The following ARHGAP29 variants were observed in gnomAD, a reference collection of about 807,000 sequenced individuals.
The protein encoded by ARHGAP29 is Rho GTPase activating protein 29, also known as rho GTPase-activating protein 29.
ARHGAP29 carries 43 observed loss-of-function variants against 122.6 expected under a neutral mutation model. That is an observed-to-expected ratio of 0.35 (90% confidence interval 0.27 to 0.45). The LOEUF (loss-of-function observed/expected upper bound fraction) is 0.45. ARHGAP29 is among the 20% of genes least tolerant of loss of function. The probability of loss-of-function intolerance (pLI) is 1.00; values close to 1 mark genes in which losing one functional copy is unlikely to be tolerated. For synonymous variants in ARHGAP29, 506 were observed against 497.1 expected, an observed-to-expected ratio of 1.02 and a Z score of -0.24; for missense variants, 1,303 against 1,477.2, an observed-to-expected ratio of 0.88 and a Z score of 1.93.
At chr1:94,309,601 A>G in the ARHGAP29 span, among the ~76,000 whole-genome samples, 1 of 152,190 alleles carries the variant, frequency 6.6e-6, no homozygotes, top group Non-Finnish European at 1.5e-5. Flanking sequence ...GGACAAGGAA[A>G]GGGGGTTTTG....
rs183770917 is a variant in ARHGAP29 at position 94,179,374 on chromosome 1, T to C, written c.2480+351A>G. Among the ~76,000 whole-genome samples, 9 of 152,084 alleles carry C rather than the reference T, an allele frequency of 5.9e-5. No individual in the cohort carries two copies. In the East Asian group the frequency reaches 1.7e-3, roughly 29 times the overall value. On this transcript the variant is annotated intron_variant, in intron 20 of 22. Coordinates refer to ENST00000260526, the MANE Select transcript of ARHGAP29 (RefSeq NM_004815.4). ...ACTTTGGGAGGCTGAGGTGGGCGGA[T>C]CATGAGGTCAGGAGTTCGAGACCAG...
At chr1:94,228,074 A>G (rs1265164364) in intron 2 of ARHGAP29, among the ~76,000 whole-genome samples, 1 of 151,746 alleles carries the variant, frequency 6.6e-6, no homozygotes, top group Non-Finnish European at 1.5e-5. Context: ...CAAGAATAGA[A>G]TATTTTCAGC....
chr1:94,196,326 A>AT (rs1439126194), intron 12 of ARHGAP29, among the ~76,000 whole-genome samples: 2 of 130,184 alleles, frequency 1.5e-5, no homozygotes, highest in Non-Finnish European at 3.1e-5. Context: ...CAGTGGCGCG[A>AT]TCTCGGCTCA....
rs146362265 is a variant in ARHGAP29 at position 94,231,454 on chromosome 1, C to T, written c.158G>A (p.Arg53Lys). 1.2e-6 allele frequency: 2 copies of T among 1,613,704 alleles called. No individual in the cohort carries two copies. Among genetic ancestry groups the T allele is most frequent in the Admixed American group, 1.7e-5 (1 of 60,020 alleles). ...DYIKELVNDI[R>K]KFSHMLLYLK... ...ATATAGTAACATGTGGGAGAACTTC[C>T]TGATATCATTCACCAACTCCTTGAT... is the stretch of plus-strand genomic sequence containing the variant. The change falls in exon 2 of 23, where the codon AGG becomes AAG. Residue 53 changes from arginine (R) to lysine (K), a missense_variant. Transcript: ENST00000260526.
chr1:94,202,156 C>A (rs1325896245), intron 11 of ARHGAP29: 1 of 438,754 alleles, frequency 2.3e-6, no homozygotes, highest in East Asian at 3.8e-5. Context: ...CGTAAAATTA[C>A]ATTTCATCAA....
chr1:94,301,160 CTCTCGATGTTTTCCTCT>C, the ARHGAP29 span, among the ~76,000 whole-genome samples: 1 of 152,286 alleles, frequency 6.6e-6, no homozygotes, highest in African/African-American at 2.4e-5. Context: ...CACAGAAAGA[CTCTCGATGTTTTCCTCT>C]TTTTCACATC....
intron 1 of ARHGAP29, among the ~76,000 whole-genome samples, chr1:94,265,429 A>G (rs1240200770): frequency 1.3e-5 from 2 of 152,170 alleles, no homozygotes; most frequent in African/African-American, 4.8e-5. Flanking sequence ...TCAGTTTTCT[A>G]CTGAGAATGT....
Position 94,201,818 on chromosome 1 carries a change from T to C in ARHGAP29, c.1183A>G (p.Asn395Asp), listed in dbSNP as rs1337891345. 2 of 1,613,134 alleles carry C rather than the reference T, an allele frequency of 1.2e-6. No homozygotes were observed. Among genetic ancestry groups the C allele is most frequent in the African/African-American group, 1.3e-5 (1 of 75,000 alleles). Reference protein sequence around the residue: ...ANELYKVCVTNVEERRNDLEN... With the variant: ...ANELYKVCVTDVEERRNDLEN... ...AGATCATTTCTTCTTTCTTCAACAT[T>C]TGTCACACAAACTTTGTAAAGTTCA... The change falls in exon 12 of 23, where the codon AAT becomes GAT. Residue 395 changes from asparagine (N) to aspartate (D), a missense_variant. Coordinates refer to ENST00000260526, the MANE Select transcript of ARHGAP29 (RefSeq NM_004815.4).
At chr1:94,231,857 G>A (rs1334137261) in intron 1 of ARHGAP29, among the ~76,000 whole-genome samples, 7 of 151,904 alleles carry the variant, frequency 4.6e-5, no homozygotes, top group South Asian at 4.2e-4. Context: ...CAGTAATTCC[G>A]ACAACTCTGA....
At chr1:94,204,127 G>A (rs1032108225) in intron 7 of ARHGAP29, 133 bp from the exon 8 acceptor site, 2 of 502,746 alleles carry the variant, frequency 4.0e-6, no homozygotes, top group African/African-American at 2.0e-5. Flanking sequence ...ATATAATACA[G>A]CAATACTTCT....
At chr1:94,250,946 G>T (rs1308664672) in intron 1 of ARHGAP29, among the ~76,000 whole-genome samples, 1 of 152,026 alleles carries the variant, frequency 6.6e-6, no homozygotes, top group Non-Finnish European at 1.5e-5. Context: ...AATAATTAAT[G>T]ATCAGTGCCA....
At chr1:94,228,712 T>C (rs1383947021) in intron 2 of ARHGAP29, among the ~76,000 whole-genome samples, 6 of 151,786 alleles carry the variant, frequency 4.0e-5, no homozygotes, top group African/African-American at 1.4e-4. Flanking sequence ...AAAAGCGCCA[T>C]ATACAATTAT....
chr1:94,217,689 A>C (rs963121118), intron 3 of ARHGAP29, among the ~76,000 whole-genome samples: 1 of 152,024 alleles, frequency 6.6e-6, no homozygotes, highest in African/African-American at 2.4e-5. Context: ...AATTTTAGAA[A>C]TTTAAAAATC....
intron 1 of ARHGAP29, among the ~76,000 whole-genome samples, chr1:94,267,186 T>C (rs1261739645): frequency 1.3e-5 from 2 of 152,222 alleles, no homozygotes; most frequent in African/African-American, 4.8e-5. Flanking sequence ...CTATGGACTG[T>C]TAAAGTAGAA....
rs955675062 is a variant in ARHGAP29, at chr1:94,186,666, C to T, written c.1682-69G>A. The T allele has an allele frequency of 1.0e-5, 12 of 1,185,548 alleles. No homozygotes were observed. The East Asian group carries it at 1.4e-4, about 14-fold the overall frequency. 73.4% of individuals were successfully genotyped at this position (1,185,548 alleles called of 1,614,324 possible). On this transcript the variant is annotated intron_variant, in intron 15 of 22. Transcript: ENST00000260526. ...GAATCTTTGAAATAGGAAATGACAA[C>T]ACTTTTGAAATAACACGTCATACTA...
chr1:94,284,066 A>C, the ARHGAP29 span, among the ~76,000 whole-genome samples: 16 of 136,788 alleles, frequency 1.2e-4, no homozygotes, highest in Admixed American at 8.2e-4. Context: ...TTCTGGCAAA[A>C]AGTTGAAAGG....
chr1:94,187,194 T>C (rs1649862841), intron 15 of ARHGAP29, among the ~76,000 whole-genome samples: 1 of 152,262 alleles, frequency 6.6e-6, no homozygotes, highest in Middle Eastern at 3.4e-3. Context: ...TATCAAAGCA[T>C]GTTTGGAAGC....
intron 1 of ARHGAP29, among the ~76,000 whole-genome samples, chr1:94,273,527 C>G (rs1376533345): frequency 1.3e-5 from 2 of 152,110 alleles, no homozygotes; most frequent in African/African-American, 4.8e-5. Flanking sequence ...CTGCATTTTT[C>G]AAAGAAATTT....
chr1:94,217,576 T>A (rs1193760102), intron 3 of ARHGAP29, among the ~76,000 whole-genome samples: 4 of 150,830 alleles, frequency 2.7e-5, no homozygotes, highest in Non-Finnish European at 5.9e-5. Flanking sequence ...TGGTGGCTCA[T>A]GCCTGTAATC....
Sources: gnomAD v4.1 joint callset for allele counts (sites outside exome capture counted in the v4.1 genomes callset) on GRCh38, gnomAD v4.1.1 for gene constraint, MANE v1.5 for transcripts, NCBI Gene and HGNC (gene_info 2026-07-23, HGNC 2026-07-21) for gene names.